Variants in GPR149 observed in about 807,000 individuals in gnomAD.
The protein encoded by GPR149 is G protein-coupled receptor 149, also known as probable G protein-coupled receptor 149.
In GPR149, 50 loss-of-function variants were observed where a neutral mutation model predicts 50.2. That is an observed-to-expected ratio of 1.00 (90% confidence interval 0.79 to 1.26). The LOEUF (loss-of-function observed/expected upper bound fraction) is 1.26. Ranked by LOEUF, GPR149 falls within the 50% of genes most tolerant of loss-of-function variation. GPR149 has a pLI of 0.00. For missense variants in GPR149, 983 were observed against 895.4 expected, an observed-to-expected ratio of 1.10 and a Z score of -1.25; for synonymous variants, 405 against 358.2, an observed-to-expected ratio of 1.13 and a Z score of -1.48.
chr3:154,396,645 C>T (rs893299931), intron 3 of GPR149, among the ~76,000 whole-genome samples: 2 of 151,816 alleles, frequency 1.3e-5, no homozygotes, highest in African/African-American at 4.8e-5. Context: ...AACACAATTA[C>T]AAATAAAGCT....
intron 3 of GPR149, among the ~76,000 whole-genome samples, chr3:154,358,343 G>C (rs553590004): frequency 6.6e-6 from 1 of 152,092 alleles, no homozygotes; most frequent in Non-Finnish European, 1.5e-5. Context: ...AAACCCCAAA[G>C]TATCTCTTAT....
chr3:154,422,708 AAACAAG>A (rs144441992), intron 2 of GPR149, among the ~76,000 whole-genome samples: 2,862 of 151,926 alleles, frequency 0.019, 94 homozygotes, highest in African/African-American at 0.066. Flanking sequence ...GCCAGAACAC[AAACAAG>A]AACAAGTTTG....
In GPR149 at chr3:154,366,840, T is replaced by G. The variant is rs143840954; in HGVS notation, c.1624-28569A>C. ...AAAACCAAACAGTAACTTCACCACC[T>G]TGGGCACACTTTCTCAGGATTTCTT... On this transcript the variant is annotated intron_variant, in intron 3 of 3. Coordinates refer to ENST00000389740, the MANE Select transcript of GPR149 (RefSeq NM_001038705.3). 2.9e-3 allele frequency among the ~76,000 whole-genome samples: 445 copies of G among 152,338 alleles called. 1 individual carries two copies. The highest frequency in any genetic ancestry group is 5.1e-3 in the Non-Finnish European group (344 of 68,030).
chr3:154,353,439 T>C (rs1714135319), intron 3 of GPR149: 2 of 1,005,180 alleles, frequency 2.0e-6, no homozygotes, highest in Non-Finnish European at 3.2e-6. Context: ...TTCATTAAAA[T>C]CTAAATCTAA....
intron 3 of GPR149, among the ~76,000 whole-genome samples, chr3:154,382,225 G>A (rs566354556): frequency 1.9e-3 from 291 of 152,310 alleles, no homozygotes; most frequent in African/African-American, 6.8e-3. Flanking sequence ...GAGATTGGAA[G>A]AGGAGTTGGG....
chr3:154,345,090 C>T (rs1713891065), intron 3 of GPR149, among the ~76,000 whole-genome samples: 1 of 152,188 alleles, frequency 6.6e-6, no homozygotes, highest in Non-Finnish European at 1.5e-5. Context: ...TTCTTCTCTG[C>T]TACCTATAAC....
intron 3 of GPR149, among the ~76,000 whole-genome samples, chr3:154,387,650 T>C (rs1254633156): frequency 6.6e-6 from 1 of 152,142 alleles, no homozygotes; most frequent in East Asian, 1.9e-4. Context: ...TTAATTAAGC[T>C]TCAAAAATCT....
At chr3:154,354,562 TC>T (rs2108391348) in intron 3 of GPR149, among the ~76,000 whole-genome samples, 1 of 152,166 alleles carries the variant, frequency 6.6e-6, no homozygotes. Context: ...GATTTTTTTT[TC>T]CTTTTCCTTT....
rs775663239 is a variant in GPR149 at position 154,428,861 on chromosome 3, G to T, written c.755C>A (p.Ser252Tyr). 3 of 1,613,924 alleles carry T rather than the reference G, an allele frequency of 1.9e-6. No individual in the cohort carries two copies. In the East Asian group the frequency reaches 6.7e-5, roughly 36 times the overall value. Residue 252 changes from serine to tyrosine, a missense_variant, in exon 1 of 4, where the codon TCC becomes TAC. Coordinates refer to ENST00000389740, the MANE Select transcript of GPR149 (RefSeq NM_001038705.3). ...ACTCGGGCCTGGAGCATCCTCTGGG[G>T]ACAGGGAAACCACTCTCCCCGCAGT... is the stretch of plus-strand genomic sequence containing the variant. ...PPTAGRVVSL[S>Y]PEDAPGPSLR...
intron 2 of GPR149, among the ~76,000 whole-genome samples, chr3:154,425,594 TAAGCTA>T: frequency 6.6e-6 from 1 of 152,280 alleles, no homozygotes; most frequent in East Asian, 1.9e-4. Flanking sequence ...ATAAGCATCT[TAAGCTA>T]AAGTTTCTCA....
chr3:154,377,546 T>C (rs1430856305), intron 3 of GPR149, among the ~76,000 whole-genome samples: 1 of 151,946 alleles, frequency 6.6e-6, no homozygotes, highest in Admixed American at 6.6e-5. Flanking sequence ...TTTGTATTTG[T>C]AGTGGAGACG....
In GPR149 at chr3:154,428,704, C is replaced by T. The variant is rs746523583; in HGVS notation, c.912G>A (p.Val304=). 2.5e-5 allele frequency: 40 copies of T among 1,614,114 alleles called. No homozygotes were observed. In the South Asian group the frequency reaches 3.8e-4, roughly 16 times the overall value. ...GTLYGTRSFT[V]SVAQKRFALI... is the part of the protein sequence containing the mutation. Reference sequence around the variant, plus strand: ...AAGCGAAGCGCTTCTGCGCTACGCTCACGGTGAAGCTCCTGGTGCCATAGA... The same window carrying T: ...AAGCGAAGCGCTTCTGCGCTACGCTTACGGTGAAGCTCCTGGTGCCATAGA... The change falls in exon 1 of 4, where the codon GTG becomes GTA. Residue 304 remains valine (V), a synonymous_variant. Transcript: ENST00000389740.
At chr3:154,342,286 G>T (rs1452960938) in intron 3 of GPR149, among the ~76,000 whole-genome samples, 1 of 152,168 alleles carries the variant, frequency 6.6e-6, no homozygotes, top group Non-Finnish European at 1.5e-5. Flanking sequence ...ATGCTATGGA[G>T]AATTCTTCTC....
chr3:154,382,626 C>A (rs1460543501), intron 3 of GPR149, among the ~76,000 whole-genome samples: 2 of 152,028 alleles, frequency 1.3e-5, no homozygotes, highest in South Asian at 4.2e-4. Flanking sequence ...AAATAATGCT[C>A]AAATTTATAA....
chr3:154,342,557 C>G (rs114727509), intron 3 of GPR149, among the ~76,000 whole-genome samples: 1 of 152,064 alleles, frequency 6.6e-6, no homozygotes, highest in Non-Finnish European at 1.5e-5. Flanking sequence ...TAAAGGCGTA[C>G]CCCACCAGGA....
At chr3:154,377,813 C>G (rs1160814510) in intron 3 of GPR149, among the ~76,000 whole-genome samples, 1 of 152,086 alleles carries the variant, frequency 6.6e-6, no homozygotes, top group Non-Finnish European at 1.5e-5. Flanking sequence ...TAGAACAGTT[C>G]CATTATATCC....
rs1290725918 is a variant in GPR149 at position 154,337,722 on chromosome 3, C to G, written c.2173G>C (p.Glu725Gln). Residue 725 changes from glutamate to glutamine, a missense_variant, in exon 4 of 4, where the codon GAG (glutamate) becomes CAG (glutamine). Transcript: ENST00000389740. ...CACTAACTACCCTTGCTTTCTTCCT[C>G]TCTTTTTCTGTAAGCTTTATTTAAC... ...QLLNKAYRKREEESKGS is the reference protein window; with the variant it reads ...QLLNKAYRKRQEESKGS 7 of 1,604,872 alleles carry G rather than the reference C, an allele frequency of 4.4e-6. No individual in the cohort carries two copies. In the East Asian group the frequency reaches 1.6e-4, roughly 36 times the overall value.
rs952589424 is a variant in GPR149 at position 154,429,378 on chromosome 3, T to A, written c.238A>T (p.Met80Leu). Reference protein sequence around the residue: ...LVASWSVDDLMSVLSVTIFMF... With the variant: ...LVASWSVDDLLSVLSVTIFMF... ...AAGATGGTCACCGACAGGACGCTCA[T>A]GAGATCATCCACAGACCAGGAAGCC... Residue 80 changes from methionine to leucine, a missense_variant, in exon 1 of 4, where the codon ATG becomes TTG. By Grantham distance (15) the Met-to-Leu change is conservative. Transcript: ENST00000389740. The A allele has an allele frequency of 6.2e-7, 1 of 1,614,164 alleles. No individual in the cohort carries two copies.
At chr3:154,346,744 C>A (rs1372523730) in intron 3 of GPR149, among the ~76,000 whole-genome samples, 1 of 151,910 alleles carries the variant, frequency 6.6e-6, no homozygotes, top group Non-Finnish European at 1.5e-5. Context: ...TACAGGTGTG[C>A]CCCACCATGC....
Sources: allele counts gnomAD v4.1 joint callset (sites outside exome capture counted in the v4.1 genomes callset), GRCh38; gene constraint gnomAD v4.1.1; transcripts MANE v1.5; gene names NCBI Gene and HGNC (gene_info 2026-07-23, HGNC 2026-07-21).